SHISA9: variants seen among roughly 807,000 people sequenced by gnomAD.
The protein encoded by SHISA9 is protein shisa-9.
SHISA9 carries 13 observed loss-of-function variants against 38.0 expected under a neutral mutation model. That is an observed-to-expected ratio of 0.34 (90% confidence interval 0.22 to 0.54). The LOEUF (loss-of-function observed/expected upper bound fraction) is 0.54. Ranked by LOEUF, SHISA9 falls within the 20% of genes least tolerant of loss-of-function variation. The pLI, the probability that SHISA9 is intolerant of heterozygous loss-of-function variation, is 0.91. For missense variants in SHISA9, 538 were observed against 575.8 expected, an observed-to-expected ratio of 0.93 and a Z score of 0.67; for synonymous variants, 275 against 242.0, an observed-to-expected ratio of 1.14 and a Z score of -1.27.
chr16:13,140,554 A>T (rs1158171115), intron 2 of SHISA9, among the ~76,000 whole-genome samples: 1 of 152,198 alleles, frequency 6.6e-6, no homozygotes, highest in African/African-American at 2.4e-5. Flanking sequence ...CAGATTTATT[A>T]TAGCAAGTTC....
the SHISA9 span, among the ~76,000 whole-genome samples, chr16:13,545,738 C>T: frequency 6.6e-6 from 1 of 152,262 alleles, no homozygotes; most frequent in East Asian, 1.9e-4. Flanking sequence ...CTGACCTGCT[C>T]AGGATCCTCT....
chr16:13,198,477 G>A lies in SHISA9; in HGVS notation c.692-4917G>A, dbSNP rs372215483. Among the ~76,000 whole-genome samples, 73 of 152,212 alleles carry A rather than the reference G, an allele frequency of 4.8e-4. No homozygotes were observed. The East Asian group carries it at 0.013, about 27-fold the overall frequency. ...TTCTTCTCTCAACTTGGCAAGGGCA[G>A]GATTTGCAGATTATAACCTAGATCT... is the stretch of plus-strand genomic sequence containing the variant. On this transcript the variant is annotated intron_variant, in intron 2 of 4. Transcript: ENST00000558583.
At chr16:13,325,593 T>C in the SHISA9 span, among the ~76,000 whole-genome samples, 1 of 152,174 alleles carries the variant, frequency 6.6e-6, no homozygotes, top group African/African-American at 2.4e-5. Flanking sequence ...AGTTGCACAA[T>C]CTGCCGTCTG....
chr16:13,527,305 C>T, the SHISA9 span, among the ~76,000 whole-genome samples: 1 of 152,226 alleles, frequency 6.6e-6, no homozygotes, highest in Non-Finnish European at 1.5e-5. Context: ...GCCTCCCTCC[C>T]TCCATCTACA....
chr16:13,468,096 A>G, the SHISA9 span, among the ~76,000 whole-genome samples: 1 of 152,114 alleles, frequency 6.6e-6, no homozygotes, highest in African/African-American at 2.4e-5. Context: ...TTAAATGGAT[A>G]TAGTTTTATT....
chr16:13,370,054 A>C, the SHISA9 span, among the ~76,000 whole-genome samples: 1 of 152,198 alleles, frequency 6.6e-6, no homozygotes, highest in African/African-American at 2.4e-5. Flanking sequence ...TTGTACCTGT[A>C]AAGCAATTGA....
chr16:13,019,848 C>T (rs184747347), intron 2 of SHISA9, among the ~76,000 whole-genome samples: 3,989 of 21,480 alleles, frequency 0.19, 198 homozygotes, highest in East Asian at 0.4. Flanking sequence ...CCTTCCTTCC[C>T]TCCCTCCCTC....
chr16:13,339,543 C>T, the SHISA9 span, among the ~76,000 whole-genome samples: 3 of 152,070 alleles, frequency 2.0e-5, no homozygotes, highest in African/African-American at 4.8e-5. Context: ...GGTGTTCCCT[C>T]GTGCTTCTTT....
At chr16:13,059,152 G>C (rs1214479767) in intron 2 of SHISA9, among the ~76,000 whole-genome samples, 7 of 121,564 alleles carry the variant, frequency 5.8e-5, no homozygotes, top group Admixed American at 5.7e-4. Context: ...TTTTGAGACA[G>C]AGTCTCACTC....
At chr16:13,455,645 C>CA in the SHISA9 span, among the ~76,000 whole-genome samples, 3 of 152,150 alleles carry the variant, frequency 2.0e-5, no homozygotes, top group Non-Finnish European at 4.4e-5. Context: ...TGTTAAGATG[C>CA]AAAAACATGA....
At chr16:13,248,213 CA>C in the SHISA9 span, among the ~76,000 whole-genome samples, 1 of 151,970 alleles carries the variant, frequency 6.6e-6, no homozygotes, top group Non-Finnish European at 1.5e-5. Flanking sequence ...GACTTTTGGA[CA>C]AAATTTAGAG....
At chr16:13,231,377 C>A (rs949239888) in intron 4 of SHISA9, among the ~76,000 whole-genome samples, 1 of 152,174 alleles carries the variant, frequency 6.6e-6, no homozygotes, top group South Asian at 2.1e-4. Context: ...TTTGAGTATT[C>A]TTCTATTGAA....
At position 12,944,145 on chromosome 16, in the gene SHISA9, C is replaced by T. The variant is rs562705572; in HGVS notation, c.691+27330C>T. On this transcript the variant is annotated intron_variant, in intron 2 of 4. Coordinates refer to ENST00000558583, the MANE Select transcript of SHISA9 (RefSeq NM_001145204.3). ...GGGTGAAATTGTCTTGGTTGAAAAC[C>T]ACTGTTGTATTAGAATATGACTTCC... Among the ~76,000 whole-genome samples the T allele has an allele frequency of 3.5e-4, 53 of 152,218 alleles. 2 individuals carry two copies. The South Asian group carries it at 0.011, about 32-fold the overall frequency.
chr16:13,360,890 C>G, the SHISA9 span, among the ~76,000 whole-genome samples: 1 of 152,176 alleles, frequency 6.6e-6, no homozygotes, highest in African/African-American at 2.4e-5. Context: ...GTAAGATGAT[C>G]TCTGGTTGCC....
the SHISA9 span, among the ~76,000 whole-genome samples, chr16:13,250,326 A>C: frequency 1.3e-5 from 2 of 152,098 alleles, no homozygotes; most frequent in African/African-American, 4.8e-5. Context: ...AGCAGTCCTG[A>C]GTGGGCAGTC....
chr16:13,209,209 G>C (rs759502094), intron 3 of SHISA9, among the ~76,000 whole-genome samples: 1 of 152,106 alleles, frequency 6.6e-6, no homozygotes, highest in South Asian at 2.1e-4. Flanking sequence ...ACCCAGACCA[G>C]AGTTATCTGC....
chr16:13,484,228 A>C, the SHISA9 span, among the ~76,000 whole-genome samples: 1 of 152,200 alleles, frequency 6.6e-6, no homozygotes, highest in African/African-American at 2.4e-5. Flanking sequence ...TGGTAGTGTG[A>C]GACTAGAGGA....
chr16:13,327,499 C>A, the SHISA9 span, among the ~76,000 whole-genome samples: 1 of 151,848 alleles, frequency 6.6e-6, no homozygotes, highest in Non-Finnish European at 1.5e-5. Context: ...ACCTGTAATC[C>A]CAGACACTCG....
At chr16:13,068,730 A>C (rs768974876) in intron 2 of SHISA9, among the ~76,000 whole-genome samples, 1 of 152,202 alleles carries the variant, frequency 6.6e-6, no homozygotes, top group Non-Finnish European at 1.5e-5. Flanking sequence ...GTGTGTGTAT[A>C]AATGTGTGAG....
Sources: gnomAD v4.1 joint callset for allele counts (sites outside exome capture counted in the v4.1 genomes callset) on GRCh38, gnomAD v4.1.1 for gene constraint, MANE v1.5 for transcripts, NCBI Gene and HGNC (gene_info 2026-07-23, HGNC 2026-07-21) for gene names.